ASCC1: variants seen among roughly 807,000 people sequenced by gnomAD.
ASCC1 encodes the protein activating signal cointegrator 1 complex subunit 1.
Under a neutral mutation model 46.6 loss-of-function variants are expected in ASCC1, and 35 were observed. The ratio of observed to expected loss-of-function variants is 0.75; its 90% CI spans 0.57 to 0.99. ASCC1 has a LOEUF of 0.99. Among genes scored for constraint, ASCC1 ranks in the 50% least tolerant of loss-of-function variants. The pLI is 0.00. For missense variants in ASCC1, 376 were observed against 428.7 expected, an observed-to-expected ratio of 0.88 and a Z score of 1.09; for synonymous variants, 143 against 146.6, an observed-to-expected ratio of 0.98 and a Z score of 0.18.
intron 4 of ASCC1, among the ~76,000 whole-genome samples, chr10:72,199,252 T>C (rs536773341): frequency 1.3e-5 from 2 of 150,766 alleles, no homozygotes; most frequent in African/African-American, 4.9e-5. Flanking sequence ...GCCTCCCAAG[T>C]AGCTGGGAAT....
chr10:72,128,082 C>G lies in ASCC1; in HGVS notation c.957G>C (p.Lys319Asn), dbSNP rs1845101708. 3 of 1,612,838 alleles carry G rather than the reference C, an allele frequency of 1.9e-6. No homozygotes were observed. Among genetic ancestry groups the G allele is most frequent in the South Asian group, 1.1e-5 (1 of 91,064 alleles). ...CCAATTCACTCTGCTTCATACTGACCTTTAAAATATTTCGGCCATCAAATG... is the reference window on the plus strand; with the variant it reads ...CCAATTCACTCTGCTTCATACTGACGTTTAAAATATTTCGGCCATCAAATG... ...RESFDGRNIL[K>N]LFENFYFGSL... is the part of the protein sequence containing the mutation. The change falls in exon 9 of 10, where the codon AAG (lysine) becomes AAC (asparagine). Residue 319 changes from lysine (K) to asparagine (N), a missense_variant and splice_region_variant. Transcript: ENST00000672957.
At chr10:72,106,386 T>C (rs1248545699) in intron 9 of ASCC1, among the ~76,000 whole-genome samples, 5 of 152,226 alleles carry the variant, frequency 3.3e-5, no homozygotes, top group African/African-American at 9.6e-5. Flanking sequence ...AAGGATGCTA[T>C]TGTTCTCATG....
At chr10:72,195,613 A>G (rs569588329) in intron 5 of ASCC1, among the ~76,000 whole-genome samples, 169 of 151,330 alleles carry the variant, frequency 1.1e-3, no homozygotes, top group Non-Finnish European at 2.0e-3. Flanking sequence ...CCGGCATGCA[A>G]TGAAGTCAGG....
intron 5 of ASCC1, among the ~76,000 whole-genome samples, chr10:72,195,508 C>G (rs1430841305): frequency 6.6e-6 from 1 of 150,414 alleles, no homozygotes; most frequent in East Asian, 1.9e-4. Flanking sequence ...ATTACGCTTT[C>G]AAAAAAACTA....
chr10:72,114,678 C>A (rs1283515283), intron 9 of ASCC1, among the ~76,000 whole-genome samples: 2 of 145,694 alleles, frequency 1.4e-5, no homozygotes, highest in East Asian at 4.0e-4. Context: ...ATTAGTTAAA[C>A]AGAAATTCAA....
intron 6 of ASCC1, among the ~76,000 whole-genome samples, chr10:72,155,701 T>G (rs910335091): frequency 6.6e-6 from 1 of 152,218 alleles, no homozygotes; most frequent in African/African-American, 2.4e-5. Context: ...ACCTTTGTGT[T>G]AAGTAAAACC....
intron 7 of ASCC1, among the ~76,000 whole-genome samples, chr10:72,141,088 T>TAGATAC (rs1564636544): frequency 1.2e-4 from 18 of 146,428 alleles, no homozygotes; most frequent in African/African-American, 3.5e-4. Context: ...TAGATAGATA[T>TAGATAC]AGATATAGAC....
intron 1 of ASCC1, chr10:72,215,871 AAGG>A (rs1290835707): frequency 2.6e-5 from 4 of 152,394 alleles, no homozygotes; most frequent in Non-Finnish European, 4.4e-5. Context: ...CATCAAAGAG[AAGG>A]AGAAGAGGAC....
At chr10:72,192,252 A>C (rs1259031840) in intron 5 of ASCC1, among the ~76,000 whole-genome samples, 6 of 152,072 alleles carry the variant, frequency 3.9e-5, no homozygotes, top group African/African-American at 7.2e-5. Context: ...TCAGGAGTTC[A>C]AGACCGGCCT....
intron 7 of ASCC1, among the ~76,000 whole-genome samples, chr10:72,135,868 T>C (rs563717620): frequency 3.9e-5 from 6 of 152,258 alleles, no homozygotes; most frequent in South Asian, 2.1e-4. Flanking sequence ...AGATTGAATG[T>C]CAAAGAACAC....
intron 6 of ASCC1, among the ~76,000 whole-genome samples, chr10:72,160,811 T>C (rs1048869632): frequency 5.4e-5 from 8 of 147,014 alleles, no homozygotes; most frequent in East Asian, 2.0e-4. Flanking sequence ...AGGCCGGGCT[T>C]GGTTGCTCAC....
In ASCC1 at chr10:72,187,073, A is replaced by C. The variant is rs113357181; in HGVS notation, c.489+9738T>G. On this transcript the variant is annotated intron_variant, in intron 5 of 9. Coordinates refer to ENST00000672957, the MANE Select transcript of ASCC1 (RefSeq NM_001198800.3). ...TAGTTTGCATTTACCAGTTAAAATA[A>C]TTTCAAAACTTAGCCCCTACTCCCC... 6.2e-3 allele frequency among the ~76,000 whole-genome samples: 943 copies of C among 152,224 alleles called. 6 individuals are homozygous for C. Among genetic ancestry groups the C allele is most frequent in the Non-Finnish European group, 9.9e-3 (672 of 68,014 alleles).
intron 1 of ASCC1, 35 bp from the exon 2 acceptor site, chr10:72,213,366 T>A (rs776818305): frequency 5.7e-6 from 7 of 1,227,082 alleles, no homozygotes; most frequent in Non-Finnish European, 8.3e-6. Context: ...CCTTTCTTAG[T>A]GAGAATTAAA....
chr10:72,190,938 G>A (rs1320139296), intron 5 of ASCC1, among the ~76,000 whole-genome samples: 4 of 145,344 alleles, frequency 2.8e-5, no homozygotes, highest in African/African-American at 1.0e-4. Context: ...GGAGGTTGCC[G>A]TGAGCCAAGA....
intron 9 of ASCC1, among the ~76,000 whole-genome samples, chr10:72,101,815 G>T (rs964117742): frequency 1.1e-4 from 17 of 152,072 alleles, no homozygotes; most frequent in African/African-American, 3.9e-4. Context: ...AGTCATGAGG[G>T]TGATGTTGAG....
intron 8 of ASCC1, among the ~76,000 whole-genome samples, chr10:72,131,476 A>ACACACACACT (rs1455597730): frequency 2.9e-4 from 42 of 146,066 alleles, no homozygotes; most frequent in African/African-American, 9.4e-4. Context: ...ACACACACAC[A>ACACACACACT]CTCAACTGGA....
intron 5 of ASCC1, among the ~76,000 whole-genome samples, chr10:72,191,316 C>T (rs12569982): frequency 6.6e-6 from 1 of 151,446 alleles, no homozygotes; most frequent in African/African-American, 2.4e-5. Context: ...CCACCCACCT[C>T]GGCCTCCCAA....
chr10:72,192,257 C>T (rs1002005623), intron 5 of ASCC1, among the ~76,000 whole-genome samples: 8 of 152,006 alleles, frequency 5.3e-5, no homozygotes, highest in South Asian at 2.1e-4. Context: ...AGTTCAAGAC[C>T]GGCCTGGCCA....
At position 72,203,507 on chromosome 10, in the gene ASCC1, C is replaced by G. The variant is rs777171569; in HGVS notation, c.230G>C (p.Arg77Thr). The G allele has an allele frequency of 6.2e-7, 1 of 1,609,704 alleles. No homozygotes were observed. Among genetic ancestry groups the G allele is most frequent in the African/African-American group, 1.3e-5 (1 of 74,848 alleles). ...SLLYKHIVGK[R>T]GDTRKKIEME... ...TTCTATTTTCTTCCTAGTGTCCCCTCTCTTTCCAACTATATGCCTGTAACA... is the reference window on the plus strand; with the variant it reads ...TTCTATTTTCTTCCTAGTGTCCCCTGTCTTTCCAACTATATGCCTGTAACA... The change falls in exon 4 of 10, where the codon AGA (arginine) becomes ACA (threonine). Residue 77 changes from arginine to threonine, a missense_variant. Physicochemically the swap from Arg to Thr is moderately conservative, Grantham distance 71 (BLOSUM62 -1). Coordinates refer to ENST00000672957, the MANE Select transcript of ASCC1 (RefSeq NM_001198800.3).
Sources: allele counts gnomAD v4.1 joint callset (sites outside exome capture counted in the v4.1 genomes callset), GRCh38; gene constraint gnomAD v4.1.1; transcripts MANE v1.5; gene names NCBI Gene and HGNC (gene_info 2026-07-23, HGNC 2026-07-21).